SGCD: variants seen among roughly 807,000 people sequenced by gnomAD.
SGCD encodes the protein sarcoglycan delta.
SGCD carries 18 observed loss-of-function variants against 36.6 expected under a neutral mutation model. That is an observed-to-expected ratio of 0.49 (90% CI 0.34 to 0.73). The LOEUF is 0.73. Ranked by LOEUF, SGCD falls within the 30% of genes least tolerant of loss-of-function variation. SGCD has a pLI of 0.01. For synonymous variants in SGCD, 133 were observed against 130.6 expected, an observed-to-expected ratio of 1.02 and a Z score of -0.12; for missense variants, 387 against 346.7, an observed-to-expected ratio of 1.12 and a Z score of -0.92.
chr5:156,227,905 C>T (rs1432098009), intron 3 of SGCD, among the ~76,000 whole-genome samples: 4 of 152,008 alleles, frequency 2.6e-5, no homozygotes, highest in African/African-American at 4.8e-5. Context: ...TGATCCAATG[C>T]TCATTCAGGA....
upstream of SGCD, among the ~76,000 whole-genome samples, chr5:155,865,978 T>C (rs1454367349): frequency 6.6e-6 from 1 of 152,182 alleles, no homozygotes; most frequent in Non-Finnish European, 1.5e-5. Context: ...TCTCAGTCAT[T>C]ATTTCAGGTA....
At chr5:155,735,736 A>G in the SGCD span, among the ~76,000 whole-genome samples, 2 of 152,220 alleles carry the variant, frequency 1.3e-5, no homozygotes, top group Non-Finnish European at 2.9e-5. Context: ...ACCTGAAATT[A>G]TTTACTGATC....
intron 3 of SGCD, among the ~76,000 whole-genome samples, chr5:156,138,784 G>A (rs1354362069): frequency 6.6e-6 from 1 of 152,132 alleles, no homozygotes; most frequent in Non-Finnish European, 1.5e-5. Context: ...GGTTCTCCAA[G>A]GTGATTCACT....
At chr5:156,132,594 G>A (rs937163103) in intron 3 of SGCD, among the ~76,000 whole-genome samples, 1 of 145,894 alleles carries the variant, frequency 6.9e-6, no homozygotes, top group African/African-American at 2.6e-5. Context: ...TCAGCCTCCC[G>A]AGTAGCTGGG....
intron 3 of SGCD, among the ~76,000 whole-genome samples, chr5:156,367,076 A>G (rs938973643): frequency 1.3e-5 from 2 of 152,336 alleles, no homozygotes; most frequent in Non-Finnish European, 2.9e-5. Flanking sequence ...GACTTGTGCT[A>G]TAAAATGACT....
At chr5:155,791,298 A>G in the SGCD span, among the ~76,000 whole-genome samples, 1 of 152,066 alleles carries the variant, frequency 6.6e-6, no homozygotes, top group Non-Finnish European at 1.5e-5. Flanking sequence ...AACTTGAGGA[A>G]CTTCAAAATA....
At chr5:156,179,553 C>T (rs1215037334) in intron 3 of SGCD, among the ~76,000 whole-genome samples, 4 of 151,936 alleles carry the variant, frequency 2.6e-5, no homozygotes, top group Admixed American at 2.6e-4. Flanking sequence ...TCACAAATTG[C>T]CCTCCATATA....
chr5:156,656,596 A>C (rs774599265), intron 7 of SGCD, among the ~76,000 whole-genome samples: 3 of 152,160 alleles, frequency 2.0e-5, no homozygotes, highest in Non-Finnish European at 4.4e-5. Context: ...TTTGTAATGT[A>C]ATTTTCCTCA....
At chr5:156,533,340 AT>A (rs1757966370) in intron 4 of SGCD, among the ~76,000 whole-genome samples, 1 of 152,120 alleles carries the variant, frequency 6.6e-6, no homozygotes, top group Non-Finnish European at 1.5e-5. Flanking sequence ...TTAGAATTGC[AT>A]TACAGTATCT....
At chr5:156,757,212 A>G (rs1256385055) in intron 7 of SGCD, among the ~76,000 whole-genome samples, 1 of 130,944 alleles carries the variant, frequency 7.6e-6, no homozygotes, top group African/African-American at 2.8e-5. Flanking sequence ...TAGAAAGGAT[A>G]CCTACCAATT....
chr5:155,799,319 T>A, the SGCD span, among the ~76,000 whole-genome samples: 4 of 152,120 alleles, frequency 2.6e-5, no homozygotes, highest in African/African-American at 7.2e-5. Context: ...GTTGCTACTG[T>A]TATATGGTAG....
chr5:156,627,191 C>T (rs1762469833), intron 6 of SGCD, among the ~76,000 whole-genome samples: 1 of 152,128 alleles, frequency 6.6e-6, no homozygotes, highest in African/African-American at 2.4e-5. Flanking sequence ...TAGTGAGCTT[C>T]TCTGTGAGAT....
chr5:156,047,273 A>T (rs1316785157), intron 1 of SGCD, among the ~76,000 whole-genome samples: 2 of 152,190 alleles, frequency 1.3e-5, no homozygotes, highest in Non-Finnish European at 2.9e-5. Flanking sequence ...TACATAAGTT[A>T]TCCGGAAAAT....
intron 3 of SGCD, among the ~76,000 whole-genome samples, chr5:156,205,684 G>A (rs1423420703): frequency 6.6e-6 from 1 of 152,000 alleles, no homozygotes; most frequent in African/African-American, 2.4e-5. Context: ...AAAGGTACAG[G>A]ATAGTTACTT....
chr5:156,591,390 G>A (rs529543404), intron 5 of SGCD, among the ~76,000 whole-genome samples: 4 of 152,318 alleles, frequency 2.6e-5, no homozygotes, highest in Admixed American at 6.5e-5. Context: ...ATTAGATCAC[G>A]AATGCCTATT....
At chr5:156,056,651 A>AC in intron 1 of SGCD, among the ~76,000 whole-genome samples, 1 of 137,708 alleles carries the variant, frequency 7.3e-6, no homozygotes, top group Admixed American at 7.2e-5. Flanking sequence ...TCCTTAAAAA[A>AC]AAAAAAAAAA....
intron 1 of SGCD, among the ~76,000 whole-genome samples, chr5:155,918,490 G>A (rs1295115060): frequency 3.9e-5 from 6 of 152,176 alleles, no homozygotes; most frequent in Non-Finnish European, 8.8e-5. Context: ...TAGAACCTAG[G>A]AGGCGGAGTT....
At chr5:155,737,711 C>T in the SGCD span, among the ~76,000 whole-genome samples, 3 of 152,128 alleles carry the variant, frequency 2.0e-5, no homozygotes, top group Non-Finnish European at 4.4e-5. Flanking sequence ...CTCATGCCTG[C>T]GAGTGAGAGC....
the SGCD span, among the ~76,000 whole-genome samples, chr5:155,811,947 G>T: frequency 6.6e-6 from 1 of 151,350 alleles, no homozygotes; most frequent in African/African-American, 2.4e-5. Context: ...ACAGAGATTA[G>T]AATTTACAAT....
Sources: gnomAD v4.1 joint callset for allele counts (sites outside exome capture counted in the v4.1 genomes callset) on GRCh38, gnomAD v4.1.1 for gene constraint, MANE v1.5 for transcripts, NCBI Gene and HGNC (gene_info 2026-07-23, HGNC 2026-07-21) for gene names.